KLHL1: variants seen among roughly 807,000 people sequenced by gnomAD.
KLHL1 encodes kelch-like protein 1.
In KLHL1, 47 loss-of-function variants were observed where a neutral mutation model predicts 77.7. The observed-to-expected ratio is 0.60, with a 90% CI of 0.48 to 0.77. KLHL1 has a LOEUF of 0.77. Among genes scored for constraint, KLHL1 ranks in the 30% least tolerant of loss-of-function variants. The pLI is 0.00. For synonymous variants in KLHL1, 360 were observed against 325.2 expected, an observed-to-expected ratio of 1.11 and a Z score of -1.15; for missense variants, 925 against 910.8, an observed-to-expected ratio of 1.02 and a Z score of -0.20.
chr13:69,850,852 T>G (rs143781379), intron 5 of KLHL1, among the ~76,000 whole-genome samples: 3 of 151,718 alleles, frequency 2.0e-5, no homozygotes, highest in Non-Finnish European at 4.4e-5. Flanking sequence ...GGCTGTTCTA[T>G]ACATTATCCT....
chr13:69,866,394 A>G (rs1880365949), intron 5 of KLHL1, among the ~76,000 whole-genome samples: 1 of 152,124 alleles, frequency 6.6e-6, no homozygotes, highest in South Asian at 2.1e-4. Context: ...CTAAAACACC[A>G]TCAATTTAGG....
At chr13:69,719,199 TGTGTGTGTGTGAGA>T (rs1872917301) in intron 9 of KLHL1, among the ~76,000 whole-genome samples, 156 bp downstream of exon 9, 2 of 20,892 alleles carry the variant, frequency 9.6e-5, no homozygotes, top group Admixed American at 2.5e-3. Flanking sequence ...TGTGTGTGTG[TGTGTGTGTGTGAGA>T]GAGAGAGAGA....
At chr13:70,083,713 T>C (rs1376648825) in intron 1 of KLHL1, among the ~76,000 whole-genome samples, 2 of 152,132 alleles carry the variant, frequency 1.3e-5, no homozygotes, top group African/African-American at 2.4e-5. Flanking sequence ...GATGATGTAA[T>C]TATATACGAA....
chr13:69,940,385 C>A, intron 3 of KLHL1, 149 bp from the exon 4 acceptor site: 1 of 545,160 alleles, frequency 1.8e-6, no homozygotes, highest in Non-Finnish European at 3.0e-6. Flanking sequence ...TAAAGGTCAC[C>A]AATTGTTTTA....
rs145391192 is a variant in KLHL1, at chr13:70,092,264, C to G, written c.497+14939G>C. ...ATGTAGCAATAAAAAATGAATACAACTTTCTAAACTATTGTACCACCCAAA... is the reference window on the plus strand; with the variant it reads ...ATGTAGCAATAAAAAATGAATACAAGTTTCTAAACTATTGTACCACCCAAA... On this transcript the variant is annotated intron_variant, in intron 1 of 10. Transcript: ENST00000377844. Among the ~76,000 whole-genome samples, 644 of 152,232 alleles carry G rather than the reference C, an allele frequency of 4.2e-3. 6 individuals carry two copies. Among genetic ancestry groups the G allele is most frequent in the African/African-American group, 0.013 (547 of 41,554 alleles).
At chr13:69,848,650 T>C (rs984492739) in intron 5 of KLHL1, among the ~76,000 whole-genome samples, 2 of 151,508 alleles carry the variant, frequency 1.3e-5, no homozygotes, top group African/African-American at 4.8e-5. Flanking sequence ...AAACACAAAT[T>C]AATGACATGC....
rs981574437 is a variant in KLHL1 at position 69,771,102 on chromosome 13, A to G, written c.1639+25636T>C. Among the ~76,000 whole-genome samples, 4 of 152,048 alleles carry G rather than the reference A, an allele frequency of 2.6e-5. No individual in the cohort carries two copies. The East Asian group carries it at 7.7e-4, about 29-fold the overall frequency. The stretch of plus-strand genomic sequence containing the variant: ...CCATATATACTTTTGGGCTTTACCA[A>G]CCTTTTCTTCTCTGCCTGATAAGTC... On this transcript the variant is annotated intron_variant, in intron 7 of 10. Transcript: ENST00000377844.
chr13:69,716,811 A>G (rs1872775931), intron 9 of KLHL1, among the ~76,000 whole-genome samples: 2 of 152,166 alleles, frequency 1.3e-5, no homozygotes, highest in Admixed American at 1.3e-4. Context: ...TGCCAAATAC[A>G]TGAAAAACAA....
At chr13:69,874,553 T>C (rs530342243) in intron 5 of KLHL1, among the ~76,000 whole-genome samples, 103 of 152,262 alleles carry the variant, frequency 6.8e-4, no homozygotes, top group African/African-American at 2.4e-3. Flanking sequence ...TTTCACAATA[T>C]TTCTTTTACT....
intron 5 of KLHL1, among the ~76,000 whole-genome samples, chr13:69,858,550 GA>G (rs1476747795): frequency 2.6e-5 from 4 of 152,000 alleles, no homozygotes. Context: ...TTGTTGAAAT[GA>G]ACATTTATCA....
At chr13:69,971,420 G>A (rs1435091131) in intron 2 of KLHL1, among the ~76,000 whole-genome samples, 1 of 151,824 alleles carries the variant, frequency 6.6e-6, no homozygotes, top group Admixed American at 6.6e-5. Flanking sequence ...GGCTCCTGAG[G>A]TCTATCATAA....
chr13:69,705,583 A>T (rs1278738927), intron 10 of KLHL1, among the ~76,000 whole-genome samples: 2 of 151,754 alleles, frequency 1.3e-5, no homozygotes, highest in African/African-American at 4.8e-5. Context: ...AGAATCCTGA[A>T]AATTTTTAAA....
intron 7 of KLHL1, among the ~76,000 whole-genome samples, chr13:69,786,545 A>T (rs538237733): frequency 6.6e-6 from 1 of 152,190 alleles, no homozygotes; most frequent in South Asian, 2.1e-4. Flanking sequence ...CCCACAGCCA[A>T]TATCGTACTG....
chr13:69,779,309 T>A (rs1206950047), intron 7 of KLHL1, among the ~76,000 whole-genome samples: 1 of 151,622 alleles, frequency 6.6e-6, no homozygotes, highest in Non-Finnish European at 1.5e-5. Context: ...TATATAAGAT[T>A]GCATTCTGTT....
intron 7 of KLHL1, among the ~76,000 whole-genome samples, chr13:69,762,393 C>CT (rs1380011205): frequency 6.6e-6 from 1 of 151,980 alleles, no homozygotes; most frequent in Non-Finnish European, 1.5e-5. Context: ...TGACTAAGTG[C>CT]TGCAAGGCTT....
chr13:69,789,221 AC>A (rs1876735520), intron 7 of KLHL1, among the ~76,000 whole-genome samples: 1 of 152,046 alleles, frequency 6.6e-6, no homozygotes, highest in African/African-American at 2.4e-5. Flanking sequence ...TTTCACTCAG[AC>A]ATTGAATTTC....
chr13:69,983,019 T>C (rs1884757596), intron 1 of KLHL1, among the ~76,000 whole-genome samples: 1 of 152,022 alleles, frequency 6.6e-6, no homozygotes. Flanking sequence ...TTTCAAGATA[T>C]AAAATCAAAA....
At chr13:70,037,605 C>T (rs950084336) in intron 1 of KLHL1, among the ~76,000 whole-genome samples, 1 of 151,938 alleles carries the variant, frequency 6.6e-6, no homozygotes, top group Non-Finnish European at 1.5e-5. Context: ...TCTTTAGTTT[C>T]TTTTTTTCTT....
intron 7 of KLHL1, among the ~76,000 whole-genome samples, chr13:69,782,956 G>A (rs1487708394): frequency 1.3e-5 from 2 of 152,194 alleles, no homozygotes; most frequent in Non-Finnish European, 2.9e-5. Flanking sequence ...ACTCCTCTGA[G>A]ACAAAACTTC....
Sources: allele counts gnomAD v4.1 joint callset (sites outside exome capture counted in the v4.1 genomes callset), GRCh38; gene constraint gnomAD v4.1.1; transcripts MANE v1.5; gene names NCBI Gene and HGNC (gene_info 2026-07-23, HGNC 2026-07-21).